Variants in DLGAP4 observed in about 807,000 individuals in gnomAD.
DLGAP4 encodes disks large-associated protein 4.
In DLGAP4, 18 loss-of-function variants were observed where a neutral mutation model predicts 86.9. The observed-to-expected ratio is 0.21, with a 90% confidence interval of 0.14 to 0.31. DLGAP4 has a LOEUF of 0.31. Ranked by LOEUF, DLGAP4 falls within the 10% of genes least tolerant of loss-of-function variation. The pLI is 1.00. For synonymous variants in DLGAP4, 548 were observed against 574.3 expected (o/e 0.95, Z 0.65); for missense variants, 1,085 against 1,362.6 (o/e 0.80, Z 3.21).
At chr20:36,409,398 CTTTTTTTTTTTAACTCTTTTTT>C (rs1189210219) in intron 2 of DLGAP4, among the ~76,000 whole-genome samples, 9 of 142,420 alleles carry the variant, frequency 6.3e-5, no homozygotes, top group East Asian at 2.0e-4. Context: ...TTTTTTAAGA[CTTTTTTTTTTTAACTCTTTTTT>C]TTTTTTTTTT....
intron 7 of DLGAP4, chr20:36,461,440 C>A (rs1244157345): frequency 1.2e-6 from 1 of 850,760 alleles, no homozygotes; most frequent in Non-Finnish European, 1.3e-6. Flanking sequence ...AGGTGCGGGA[C>A]TTTAACCCGG....
chr20:36,488,955 C>T (rs373237076), intron 7 of DLGAP4, among the ~76,000 whole-genome samples: 2 of 152,200 alleles, frequency 1.3e-5, no homozygotes, highest in South Asian at 2.1e-4. Context: ...ATGGATGAAG[C>T]GTACCTAACA....
intron 2 of DLGAP4, among the ~76,000 whole-genome samples, chr20:36,382,468 C>T (rs1021071796): frequency 6.6e-6 from 1 of 151,674 alleles, no homozygotes; most frequent in Non-Finnish European, 1.5e-5. Context: ...CTCTAACGAT[C>T]CTCCTGCCTT....
chr20:36,505,496 TG>T (rs2147791112), intron 10 of DLGAP4, among the ~76,000 whole-genome samples: 1 of 151,620 alleles, frequency 6.6e-6, no homozygotes, highest in African/African-American at 2.4e-5. Flanking sequence ...GGTTTTAGGC[TG>T]GGTGTGGTGG....
intron 4 of DLGAP4, among the ~76,000 whole-genome samples, chr20:36,436,636 G>T (rs2033289516): frequency 6.6e-6 from 1 of 152,192 alleles, no homozygotes; most frequent in Admixed American, 6.5e-5. Context: ...AGCCAACATG[G>T]GGAAACCCCG....
At chr20:36,429,988 C>T (rs1036594644) in intron 2 of DLGAP4, among the ~76,000 whole-genome samples, 1 of 152,174 alleles carries the variant, frequency 6.6e-6, no homozygotes, top group African/African-American at 2.4e-5. Context: ...GACTCTTTGC[C>T]AATCCTCAGC....
At chr20:36,376,742 C>T (rs1390202932) in intron 2 of DLGAP4, among the ~76,000 whole-genome samples, 4 of 152,136 alleles carry the variant, frequency 2.6e-5, no homozygotes, top group Non-Finnish European at 5.9e-5. Flanking sequence ...TCGTCAGCTT[C>T]GTGAGACTTA....
At position 36,403,903 on chromosome 20, in the gene DLGAP4, G is replaced by A. The variant is rs116138120; in HGVS notation, c.-72-27743G>A. Among the ~76,000 whole-genome samples, 309 of 152,344 alleles carry A rather than the reference G, an allele frequency of 2.0e-3. 1 individual carries two copies. Among genetic ancestry groups the A allele is most frequent in the African/African-American group, 6.9e-3 (286 of 41,580 alleles). ...AGGAGGCCACGTGGACCACTCCATA[G>A]GGCTGCTTGAGTGCCTTTGTAACAC... On this transcript the variant is annotated intron_variant, in intron 2 of 12. Transcript: ENST00000339266.
At chr20:36,524,004 A>G (rs572416689) in intron 10 of DLGAP4, among the ~76,000 whole-genome samples, 8 of 152,112 alleles carry the variant, frequency 5.3e-5, no homozygotes, top group African/African-American at 1.9e-4. Context: ...AATGTTTTAC[A>G]TTTACACTCA....
intron 2 of DLGAP4, among the ~76,000 whole-genome samples, chr20:36,384,005 GAAAA>G (rs1197722377): frequency 2.0e-5 from 3 of 149,406 alleles, no homozygotes. Context: ...AAAAAAGAAA[GAAAA>G]AGAAATAGAC....
chr20:36,421,553 A>G (rs960663715), intron 2 of DLGAP4, among the ~76,000 whole-genome samples: 4 of 151,042 alleles, frequency 2.6e-5, no homozygotes. Context: ...GATAGTGGGG[A>G]CTCGGCCTGG....
intron 7 of DLGAP4, among the ~76,000 whole-genome samples, chr20:36,463,825 AAGG>A (rs1223914732): frequency 1.3e-5 from 2 of 152,180 alleles, no homozygotes; most frequent in Admixed American, 1.3e-4. Flanking sequence ...GTTTGCTGTC[AAGG>A]AGCTTAGGAT....
chr20:36,476,972 C>T (rs1393124160), intron 7 of DLGAP4, among the ~76,000 whole-genome samples: 10 of 151,884 alleles, frequency 6.6e-5, no homozygotes, highest in East Asian at 1.9e-4. Context: ...GGATTACAGG[C>T]GTGAGCTACC....
Position 36,466,946 on chromosome 20 carries a change from G to GTCTCTCTC in DLGAP4, c.1648+20021_1648+20028dup, listed in dbSNP as rs1187637533. Reference sequence around the variant, plus strand: ...TCTTGCTCTCTCTCTCTCTCTCTCTGTCTCTCTCTCTCTCTCTCTGTCTCT... The same window carrying GTCTCTCTC: ...TCTTGCTCTCTCTCTCTCTCTCTCTGTCTCTCTCTCTCTCTCTCTCTCTCTCTGTCTCT... On this transcript the variant is annotated intron_variant, in intron 7 of 12. Transcript: ENST00000339266. Among the ~76,000 whole-genome samples, 68 of 95,024 alleles carry GTCTCTCTC rather than the reference G, an allele frequency of 7.2e-4. 1 individual carries two copies. Among genetic ancestry groups the GTCTCTCTC allele is most frequent in the Middle Eastern group, 6.8e-3 (1 of 146 alleles). The allele number at this position is 95,024 out of a possible 152,430, so 62.3% of individuals were successfully genotyped here. A position where few individuals can be genotyped will look rare whatever the true frequency, so the allele number is the denominator to read the frequency against.
intron 1 of DLGAP4, among the ~76,000 whole-genome samples, chr20:36,360,562 G>A (rs1555894149): frequency 6.6e-6 from 1 of 152,124 alleles, no homozygotes; most frequent in Admixed American, 6.5e-5. Flanking sequence ...AGTCCTGCAC[G>A]TGGCTTGGGG....
At chr20:36,412,850 C>A (rs371592521) in intron 2 of DLGAP4, among the ~76,000 whole-genome samples, 6 of 152,074 alleles carry the variant, frequency 3.9e-5, no homozygotes, top group African/African-American at 1.4e-4. Context: ...AGGTGAAACG[C>A]CTTTTAAAAC....
chr20:36,418,268 C>T (rs1027783612), intron 2 of DLGAP4, among the ~76,000 whole-genome samples: 3 of 150,924 alleles, frequency 2.0e-5, no homozygotes, highest in Admixed American at 1.3e-4. Context: ...CGCTCACTGC[C>T]ACACCTGGCT....
intron 7 of DLGAP4, among the ~76,000 whole-genome samples, chr20:36,451,427 T>G (rs2033733052): frequency 6.6e-6 from 1 of 151,120 alleles, no homozygotes. Flanking sequence ...CTCAGCTCAC[T>G]GCAACATCTA....
Position 36,332,158 on chromosome 20 carries a change from G to A in DLGAP4, c.-304+25646G>A, listed in dbSNP as rs575130625. 5.2e-4 allele frequency among the ~76,000 whole-genome samples: 79 copies of A among 152,202 alleles called. 1 individual carries two copies. Among genetic ancestry groups the A allele is most frequent in the African/African-American group, 1.9e-3 (78 of 41,514 alleles). On this transcript the variant is annotated intron_variant, in intron 1 of 12. Transcript: ENST00000339266. The stretch of plus-strand genomic sequence containing the variant: ...GAGAAGGGATGCCCAGGAGAAGGCT[G>A]GGCCAGTCATCTGGACGGGATGGAG...
Sources: gnomAD v4.1 joint callset for allele counts (sites outside exome capture counted in the v4.1 genomes callset) on GRCh38, gnomAD v4.1.1 for gene constraint, MANE v1.5 for transcripts, NCBI Gene and HGNC (gene_info 2026-07-23, HGNC 2026-07-21) for gene names.